The following ANK2 variants were observed in gnomAD, a reference collection of about 807,000 sequenced individuals.
ANK2 encodes ankyrin 2.
Under a neutral mutation model 360.5 loss-of-function variants are expected in ANK2, and 83 were observed. The observed-to-expected ratio is 0.23, with a 90% CI of 0.19 to 0.28. The LOEUF is 0.28. ANK2 is among the 10% of genes least tolerant of loss of function. ANK2 has a pLI of 1.00. For missense variants in ANK2, 4,201 were observed against 4,795.7 expected (o/e 0.88, Z 3.66); for synonymous variants, 1,740 against 1,759.5 (o/e 0.99, Z 0.28).
intron 26 of ANK2, among the ~76,000 whole-genome samples, chr4:113,319,368 G>T (rs1439381869): frequency 6.6e-6 from 1 of 151,112 alleles, no homozygotes; most frequent in Non-Finnish European, 1.5e-5. Flanking sequence ...TTAGTAGTTT[G>T]CAATAATATA....
At chr4:113,272,153 C>A (rs1305955845) in intron 14 of ANK2, among the ~76,000 whole-genome samples, 1 of 152,202 alleles carries the variant, frequency 6.6e-6, no homozygotes, top group Non-Finnish European at 1.5e-5. Flanking sequence ...TTTATCAAAT[C>A]TTTGAACTTT....
At chr4:113,070,701 A>G (rs549895539) in intron 1 of ANK2, among the ~76,000 whole-genome samples, 5 of 151,976 alleles carry the variant, frequency 3.3e-5, no homozygotes, top group Admixed American at 6.6e-5. Context: ...CCGACATTAC[A>G]TTTTCTTCCA....
At chr4:113,331,468 T>C (rs2092424739) in intron 27 of ANK2, among the ~76,000 whole-genome samples, 1 of 152,168 alleles carries the variant, frequency 6.6e-6, no homozygotes, top group Admixed American at 6.5e-5. Flanking sequence ...GACCAGAGCT[T>C]TACAAGGAGC....
chr4:112,894,639 T>C (rs973308325), intron 1 of ANK2, among the ~76,000 whole-genome samples: 3 of 152,150 alleles, frequency 2.0e-5, no homozygotes, highest in Admixed American at 1.3e-4. Context: ...AAAATGCAAA[T>C]ACTCGAAGAT....
Position 113,355,270 on chromosome 4 carries a change from C to G in ANK2, c.6652C>G (p.Leu2218Val), listed in dbSNP as rs2095678526. Residue 2218 changes from leucine (L) to valine (V), a missense_variant, in exon 38 of 46, where the codon CTG (leucine) becomes GTG (valine). Leu to Val is a conservative substitution (Grantham distance 32, BLOSUM62 1). Around this residue, in one of 4 missense-constraint regions of ANK2, gnomAD observed 2,642 missense variants for 2,714.5 expected, o/e 0.97. Transcript: ENST00000357077. The part of the protein sequence containing the change: ...EGVAGSPCGS[L>V]MEGTPQISSE... ...GGTAGCCGGCTCTCCGTGTGGCAGC[C>G]TGATGGAGGGGACCCCTCAGATTAG... 6.2e-7 allele frequency: 1 copy of G among 1,613,948 alleles called. No homozygotes were observed. Among genetic ancestry groups the G allele is most frequent in the African/African-American group, 1.3e-5 (1 of 74,902 alleles).
At chr4:112,846,932 G>T (rs2063459738) in intron 1 of ANK2, among the ~76,000 whole-genome samples, 1 of 152,158 alleles carries the variant, frequency 6.6e-6, no homozygotes, top group South Asian at 2.1e-4. Flanking sequence ...CAATATCCAG[G>T]AAACGAAGGT....
chr4:113,029,684 C>T (rs2059995899), intron 2 of ANK2, among the ~76,000 whole-genome samples: 1 of 152,002 alleles, frequency 6.6e-6, no homozygotes, highest in South Asian at 2.1e-4. Flanking sequence ...AGTTTTATAC[C>T]CACAGAGAGA....
At chr4:112,831,432 G>A (rs888956457) in intron 1 of ANK2, among the ~76,000 whole-genome samples, 1 of 152,128 alleles carries the variant, frequency 6.6e-6, no homozygotes, top group Non-Finnish European at 1.5e-5. Context: ...CTAGCTAAAG[G>A]ATTGTAAATG....
In ANK2 at chr4:113,377,279, G is replaced by A. The variant is rs149268351; in HGVS notation, c.11859+3830G>A. ...TAGTAGGTTTATTTACACCAGCATC[G>A]CCACAAACATCTGAGTAATACATTG... On this transcript the variant is annotated intron_variant, in intron 45 of 45. Coordinates refer to ENST00000357077, the MANE Select transcript of ANK2 (RefSeq NM_001148.6). Among the ~76,000 whole-genome samples the A allele has an allele frequency of 6.5e-3, 989 of 152,018 alleles. 5 individuals are homozygous for A. The highest frequency in any genetic ancestry group is 0.022 in the African/African-American group (898 of 41,462).
intron 13 of ANK2, among the ~76,000 whole-genome samples, chr4:113,260,388 A>G (rs545430994): frequency 5.3e-5 from 8 of 152,308 alleles, no homozygotes; most frequent in African/African-American, 1.9e-4. Context: ...TCAGCTTCCA[A>G]CTGTTGGTCA....
intron 1 of ANK2, among the ~76,000 whole-genome samples, chr4:113,073,776 C>T (rs541419899): frequency 1.3e-4 from 20 of 152,292 alleles, no homozygotes; most frequent in African/African-American, 1.9e-4. Flanking sequence ...TGCCACGCCA[C>T]GGAAACACCT....
chr4:113,323,032 T>G lies in ANK2; in HGVS notation c.2900+4412T>G, dbSNP rs1447997247. Among the ~76,000 whole-genome samples the G allele has an allele frequency of 2.0e-5, 3 of 152,218 alleles. No homozygotes were observed. The East Asian group carries it at 5.8e-4, about 29-fold the overall frequency. Reference sequence around the variant, plus strand: ...TAAGCATGTATACTTTTGTATGTCATTAGGGTTGAAAACACAAGAGAATCT... The same window carrying G: ...TAAGCATGTATACTTTTGTATGTCAGTAGGGTTGAAAACACAAGAGAATCT... On this transcript the variant is annotated intron_variant, in intron 26 of 45. Transcript: ENST00000357077.
At chr4:112,985,858 T>C (rs2044670015) in intron 2 of ANK2, among the ~76,000 whole-genome samples, 3 of 151,822 alleles carry the variant, frequency 2.0e-5, no homozygotes, top group African/African-American at 4.8e-5. Flanking sequence ...GGGTGAGGGA[T>C]AAAAGACTAC....
chr4:112,833,508 A>AT (rs34479387), intron 1 of ANK2, among the ~76,000 whole-genome samples: 37,965 of 146,712 alleles, frequency 0.26, 5,453 homozygotes, highest in East Asian at 0.54. Flanking sequence ...TGATTTATGT[A>AT]TTTTTTTTTT....
chr4:113,017,670 T>C (rs1188679405), intron 2 of ANK2, among the ~76,000 whole-genome samples: 1 of 152,224 alleles, frequency 6.6e-6, no homozygotes. Context: ...GTATAGATTT[T>C]TGATGTGCCA....
intron 5 of ANK2, among the ~76,000 whole-genome samples, chr4:113,233,061 C>T (rs564405360): frequency 1.2e-4 from 17 of 144,618 alleles, no homozygotes; most frequent in Middle Eastern, 4.1e-3. Context: ...TGAGACATGC[C>T]TCTTCTCACC....
chr4:113,067,083 C>T (rs2075892242), intron 1 of ANK2, among the ~76,000 whole-genome samples: 1 of 151,868 alleles, frequency 6.6e-6, no homozygotes, highest in Non-Finnish European at 1.5e-5. Flanking sequence ...GGACTTTATG[C>T]TATGTAGCCA....
chr4:113,327,708 C>A (rs1189074314), intron 26 of ANK2, among the ~76,000 whole-genome samples: 1 of 152,148 alleles, frequency 6.6e-6, no homozygotes, highest in Non-Finnish European at 1.5e-5. Context: ...GGAAAGTAAG[C>A]AGTTCCAAGT....
intron 21 of ANK2, among the ~76,000 whole-genome samples, chr4:113,292,726 C>T (rs567004436): frequency 3.3e-5 from 5 of 152,138 alleles, no homozygotes; most frequent in Non-Finnish European, 7.4e-5. Flanking sequence ...GTCAGCCTGA[C>T]TCTTTGGCTC....
Sources: allele counts gnomAD v4.1 joint callset (sites outside exome capture counted in the v4.1 genomes callset), GRCh38; gene constraint gnomAD v4.1.1; regional missense constraint gnomAD v4.1.1; transcripts MANE v1.5; gene names NCBI Gene and HGNC (gene_info 2026-07-23, HGNC 2026-07-21).